The following UNC13C variants were observed in gnomAD, a reference collection of about 807,000 sequenced individuals.
UNC13C encodes the protein unc-13 homolog C, also known as protein unc-13 homolog C.
Under a neutral mutation model 245.4 loss-of-function variants are expected in UNC13C, and 174 were observed. The observed-to-expected ratio is 0.71, with a 90% confidence interval of 0.63 to 0.80. The LOEUF (loss-of-function observed/expected upper bound fraction) is 0.80. Among genes scored for constraint, UNC13C ranks in the 30% least tolerant of loss-of-function variants. The pLI, the probability that UNC13C is intolerant of heterozygous loss-of-function variation, is 0.00. For missense variants in UNC13C, 2,829 were observed against 2,602.9 expected, an observed-to-expected ratio of 1.09 and a Z score of -1.89; for synonymous variants, 992 against 895.1, an observed-to-expected ratio of 1.11 and a Z score of -1.93.
the UNC13C span, among the ~76,000 whole-genome samples, chr15:53,933,060 G>A: frequency 1.5e-4 from 23 of 152,204 alleles, no homozygotes; most frequent in African/African-American, 5.5e-4. Context: ...ACTAAATCCT[G>A]TTGATTATTT....
the UNC13C span, among the ~76,000 whole-genome samples, chr15:53,842,453 T>C: frequency 2.6e-5 from 4 of 152,168 alleles, no homozygotes; most frequent in African/African-American, 4.8e-5. Context: ...TTGGCTGAGT[T>C]TGTGACTCAG....
At chr15:54,182,405 AC>A (rs1470216863) in intron 4 of UNC13C, among the ~76,000 whole-genome samples, 2 of 151,964 alleles carry the variant, frequency 1.3e-5, no homozygotes, top group African/African-American at 4.8e-5. Context: ...TGGTGAATTA[AC>A]TTTTTGATAT....
chr15:54,422,751 C>A (rs1309320723), intron 19 of UNC13C, among the ~76,000 whole-genome samples: 1 of 151,780 alleles, frequency 6.6e-6, no homozygotes, highest in Non-Finnish European at 1.5e-5. Flanking sequence ...CCCTGACCAT[C>A]CCATCCCTCA....
chr15:54,463,340 G>T (rs998798491), intron 19 of UNC13C, among the ~76,000 whole-genome samples: 2 of 140,360 alleles, frequency 1.4e-5, no homozygotes, highest in African/African-American at 5.3e-5. Flanking sequence ...AACCCACTGG[G>T]GTCCCCTTCC....
chr15:54,610,109 G>GT (rs935280449), intron 30 of UNC13C, among the ~76,000 whole-genome samples: 11 of 151,680 alleles, frequency 7.3e-5, no homozygotes, highest in East Asian at 5.8e-4. Flanking sequence ...GCATATTGTA[G>GT]TTTTTTTTTA....
chr15:54,164,769 G>A (rs2033107268), intron 4 of UNC13C, among the ~76,000 whole-genome samples: 1 of 152,028 alleles, frequency 6.6e-6, no homozygotes, highest in Admixed American at 6.5e-5. Context: ...GGCACTGAAG[G>A]ACTAGCAAAA....
chr15:54,154,187 A>C (rs1595919486), intron 4 of UNC13C, among the ~76,000 whole-genome samples: 1 of 151,358 alleles, frequency 6.6e-6, no homozygotes, highest in African/African-American at 2.4e-5. Flanking sequence ...CTTCTTCCCC[A>C]CCTCCTCTGT....
At chr15:54,622,241 AT>A in intron 30 of UNC13C, 85 bp from the exon 31 acceptor site, 1 of 899,022 alleles carries the variant, frequency 1.1e-6, no homozygotes, top group South Asian at 1.3e-5. Flanking sequence ...CCAATAATAC[AT>A]TTTATGTTTT....
At chr15:53,882,241 A>G in the UNC13C span, among the ~76,000 whole-genome samples, 1 of 152,212 alleles carries the variant, frequency 6.6e-6, no homozygotes, top group Non-Finnish European at 1.5e-5. Context: ...TGGTTTATGA[A>G]CAAGTTCAAA....
intron 7 of UNC13C, among the ~76,000 whole-genome samples, chr15:54,246,079 C>G (rs1052747779): frequency 6.6e-6 from 1 of 152,134 alleles, no homozygotes; most frequent in African/African-American, 2.4e-5. Context: ...TGGCAGGTAG[C>G]CTGATTCCTT....
chr15:53,939,478 C>T, the UNC13C span, among the ~76,000 whole-genome samples: 1 of 152,158 alleles, frequency 6.6e-6, no homozygotes. Flanking sequence ...TCCTCCCTAA[C>T]TCTTTCTATG....
At chr15:53,925,647 C>CCCGTAAAATGACAGGCT in the UNC13C span, among the ~76,000 whole-genome samples, 1 of 152,134 alleles carries the variant, frequency 6.6e-6, no homozygotes, top group Non-Finnish European at 1.5e-5. Flanking sequence ...CATAGCTCTC[C>CCCGTAAAATGACAGGCT]CCGTAAAATG....
chr15:54,228,857 C>T (rs1002773765), intron 4 of UNC13C, among the ~76,000 whole-genome samples: 1 of 152,214 alleles, frequency 6.6e-6, no homozygotes. Flanking sequence ...CCCTGAGCCA[C>T]CTAGATGGTG....
intron 13 of UNC13C, among the ~76,000 whole-genome samples, chr15:54,307,167 T>C (rs939130982): frequency 6.6e-6 from 1 of 150,946 alleles, no homozygotes; most frequent in Admixed American, 6.6e-5. Flanking sequence ...ATACCATCAA[T>C]TGAGTGGCTT....
At chr15:54,187,435 CCTGACCCTTCT>C (rs61069302) in intron 4 of UNC13C, among the ~76,000 whole-genome samples, 22,204 of 152,062 alleles carry the variant, frequency 0.15, 2,061 homozygotes, top group Middle Eastern at 0.24. Context: ...AATAAAAAGG[CCTGACCCTTCT>C]CAATAACTCT....
chr15:54,264,582 G>A (rs1387816656), intron 9 of UNC13C, among the ~76,000 whole-genome samples, 187 bp downstream of exon 9: 1 of 149,876 alleles, frequency 6.7e-6, no homozygotes, highest in Non-Finnish European at 1.5e-5. Context: ...ATTTTAGTCT[G>A]TGTCTTGTTC....
chr15:54,292,055 A>G (rs2037312211), intron 10 of UNC13C, among the ~76,000 whole-genome samples: 1 of 152,032 alleles, frequency 6.6e-6, no homozygotes, highest in Admixed American at 6.6e-5. Context: ...CAAATATTAT[A>G]GTTCAAATAC....
chr15:53,842,542 A>G, the UNC13C span, among the ~76,000 whole-genome samples: 1 of 152,164 alleles, frequency 6.6e-6, no homozygotes, highest in African/African-American at 2.4e-5. Context: ...AAGCCGGGCC[A>G]CTGAACCCTT....
intron 30 of UNC13C, among the ~76,000 whole-genome samples, chr15:54,602,562 A>G (rs2141274444): frequency 6.6e-6 from 1 of 152,316 alleles, no homozygotes; most frequent in Non-Finnish European, 1.5e-5. Context: ...GGATGCTCTA[A>G]GTTTTCTTTT....
Sources: allele counts gnomAD v4.1 joint callset (sites outside exome capture counted in the v4.1 genomes callset), GRCh38; gene constraint gnomAD v4.1.1; transcripts MANE v1.5; gene names NCBI Gene and HGNC (gene_info 2026-07-23, HGNC 2026-07-21).